VPS13A: variants seen among roughly 807,000 people sequenced by gnomAD.
The protein encoded by VPS13A is vacuolar protein sorting 13 homolog A.
Under a neutral mutation model 390.9 loss-of-function variants are expected in VPS13A, and 264 were observed. That is an observed-to-expected ratio of 0.68 (90% confidence interval 0.61 to 0.75). The LOEUF (loss-of-function observed/expected upper bound fraction) is 0.75. VPS13A is among the 30% of genes least tolerant of loss of function. The pLI, the probability that VPS13A is intolerant of heterozygous loss-of-function variation, is 0.00. For missense variants in VPS13A, 3,409 were observed against 3,733.9 expected, an observed-to-expected ratio of 0.91 and a Z score of 2.27; for synonymous variants, 1,231 against 1,227.1, an observed-to-expected ratio of 1.00 and a Z score of -0.07.
At chr9:77,387,543 C>T (rs1402907480) in intron 68 of VPS13A, among the ~76,000 whole-genome samples, 1 of 152,050 alleles carries the variant, frequency 6.6e-6, no homozygotes, top group Non-Finnish European at 1.5e-5. Context: ...ATATTGAAAA[C>T]GGGCAGGAAG....
intron 68 of VPS13A, among the ~76,000 whole-genome samples, chr9:77,396,477 C>A (rs558008755): frequency 6.6e-6 from 1 of 152,206 alleles, no homozygotes; most frequent in Admixed American, 6.5e-5. Flanking sequence ...AACCAACTTA[C>A]CTCAGACAAG....
At chr9:77,352,965 A>G (rs1275685654) in intron 53 of VPS13A, among the ~76,000 whole-genome samples, 2 of 152,128 alleles carry the variant, frequency 1.3e-5, no homozygotes, top group Non-Finnish European at 2.9e-5. Flanking sequence ...ATGAATATAC[A>G]TGCTTTGTAG....
chr9:77,305,847 T>C (rs1828709599), intron 34 of VPS13A, among the ~76,000 whole-genome samples: 6 of 152,234 alleles, frequency 3.9e-5, no homozygotes. Context: ...TTTCAGTGGT[T>C]GCATACACAG....
chr9:77,313,904 ATAAT>A, intron 35 of VPS13A, 84 bp from the exon 36 acceptor site: 3 of 1,381,970 alleles, frequency 2.2e-6, no homozygotes, highest in Non-Finnish European at 3.0e-6. Context: ...TACCTGTTTA[ATAAT>A]TCTATTAAAT....
chr9:77,273,526 T>A (rs1200636633), intron 24 of VPS13A, among the ~76,000 whole-genome samples, 162 bp downstream of exon 24: 1 of 152,136 alleles, frequency 6.6e-6, no homozygotes, highest in African/African-American at 2.4e-5. Flanking sequence ...CAGATTAACA[T>A]GAGAAAACAA....
intron 1 of VPS13A, among the ~76,000 whole-genome samples, chr9:77,181,258 C>T (rs1245343583): frequency 6.6e-6 from 1 of 151,940 alleles, no homozygotes. Flanking sequence ...CATAGTGGCT[C>T]ATGCCTGTAA....
At position 77,221,207 on chromosome 9, in the gene VPS13A, GTTC is replaced by G; in HGVS notation, c.1015_1017del (p.Leu339del). 3 of 1,613,302 alleles carry G rather than the reference GTTC, an allele frequency of 1.9e-6. No individual in the cohort carries two copies. The highest frequency in any genetic ancestry group is 2.5e-6 in the Non-Finnish European group (3 of 1,179,476). On this transcript the variant is annotated inframe_deletion, in exon 13 of 72. Transcript: ENST00000360280. ...TAGGTGGGCTTATGCTATACATGGCGTTCTTGAAGTAAATGTTTGCCCCAGGTT... is the reference window on the plus strand; with the variant it reads ...TAGGTGGGCTTATGCTATACATGGCGTTGAAGTAAATGTTTGCCCCAGGTT...
At chr9:77,375,483 G>A (rs1833013571) in intron 67 of VPS13A, among the ~76,000 whole-genome samples, 1 of 152,036 alleles carries the variant, frequency 6.6e-6, no homozygotes, top group Admixed American at 6.6e-5. Flanking sequence ...CTAATATTAG[G>A]TGAAACAGAC....
At chr9:77,353,745 G>C (rs1336681151) in intron 54 of VPS13A, 104 bp downstream of exon 54, 2 of 1,171,888 alleles carry the variant, frequency 1.7e-6, no homozygotes, top group African/African-American at 3.1e-5. Context: ...TTTGTGCTTT[G>C]ACTATTCATT....
chr9:77,200,238 G>A (rs376870359), intron 2 of VPS13A, among the ~76,000 whole-genome samples: 1 of 152,088 alleles, frequency 6.6e-6, no homozygotes, highest in East Asian at 1.9e-4. Context: ...TGTAATCCCA[G>A]CACTTTGGGA....
intron 17 of VPS13A, among the ~76,000 whole-genome samples, chr9:77,230,384 C>A (rs182657570): frequency 2.6e-4 from 40 of 151,980 alleles, no homozygotes; most frequent in Admixed American, 2.6e-3. Flanking sequence ...GGTTAGAATC[C>A]ATTTTGAGTT....
intron 17 of VPS13A, among the ~76,000 whole-genome samples, chr9:77,228,498 A>G (rs1400865344): frequency 6.6e-6 from 1 of 152,166 alleles, no homozygotes; most frequent in African/African-American, 2.4e-5. Flanking sequence ...CAGCAACTAC[A>G]CTACACAAAA....
chr9:77,197,378 G>A (rs2131095361), intron 1 of VPS13A, among the ~76,000 whole-genome samples: 1 of 152,262 alleles, frequency 6.6e-6, no homozygotes, highest in East Asian at 1.9e-4. Context: ...TACTGCTAAT[G>A]TAGTGCTATC....
intron 5 of VPS13A, among the ~76,000 whole-genome samples, chr9:77,206,978 T>C (rs1282337100): frequency 6.6e-6 from 1 of 151,706 alleles, no homozygotes; most frequent in Non-Finnish European, 1.5e-5. Context: ...ACAGTTACTT[T>C]ATATTATGTG....
rs548483745 is a variant in VPS13A at position 77,277,610 on chromosome 9, C to T, written c.2824+1389C>T. 7.2e-5 allele frequency among the ~76,000 whole-genome samples: 11 copies of T among 152,300 alleles called. No individual in the cohort carries two copies. In the South Asian group the frequency reaches 2.3e-3, roughly 32 times the overall value. ...CTCCCTCCCACTTAACCCCTGGCAA[C>T]TGGTGATCCTTTTAGTGTCTCCATA... On this transcript the variant is annotated intron_variant, in intron 26 of 71. Coordinates refer to ENST00000360280, the MANE Select transcript of VPS13A (RefSeq NM_033305.3).
At chr9:77,214,967 T>C (rs1328611938) in intron 10 of VPS13A, among the ~76,000 whole-genome samples, 2 of 152,176 alleles carry the variant, frequency 1.3e-5, no homozygotes, top group Admixed American at 6.5e-5. Flanking sequence ...GGTTTCACCA[T>C]GTTGCCCAGG....
At chr9:77,349,518 A>G (rs1439100073) in intron 52 of VPS13A, among the ~76,000 whole-genome samples, 2 of 152,164 alleles carry the variant, frequency 1.3e-5, no homozygotes, top group Admixed American at 6.5e-5. Context: ...CCTGCAAAGC[A>G]TGATTTTTAC....
chr9:77,228,281 CT>C lies in VPS13A; in HGVS notation c.1595+24del, dbSNP rs751007679. 6.4e-6 allele frequency: 10 copies of C among 1,562,878 alleles called. No homozygotes were observed. Among genetic ancestry groups the C allele is most frequent in the East Asian group, 4.8e-5 (2 of 41,854 alleles). ...AGCAATAAAGTAAGTATTAATTTAT[CT>C]TTTTTTATCATATATGAAAAAACTT... On this transcript the variant is annotated intron_variant, in intron 17 of 71. Coordinates refer to ENST00000360280, the MANE Select transcript of VPS13A (RefSeq NM_033305.3).
At chr9:77,405,514 TTA>T (rs1190774441) in intron 69 of VPS13A, among the ~76,000 whole-genome samples, 2 of 152,246 alleles carry the variant, frequency 1.3e-5, no homozygotes, top group African/African-American at 4.8e-5. Context: ...CCATTGAGCA[TTA>T]TGTTAGCTGC....
Sources: gnomAD v4.1 joint callset for allele counts (sites outside exome capture counted in the v4.1 genomes callset) on GRCh38, gnomAD v4.1.1 for gene constraint, MANE v1.5 for transcripts, NCBI Gene and HGNC (gene_info 2026-07-23, HGNC 2026-07-21) for gene names.